The following NLGN1 variants were observed in gnomAD, a reference collection of about 807,000 sequenced individuals.
The protein encoded by NLGN1 is neuroligin 1, also known as neuroligin-1.
Under a neutral mutation model 65.5 loss-of-function variants are expected in NLGN1, and 12 were observed. The ratio of observed to expected loss-of-function variants is 0.18; its 90% CI spans 0.12 to 0.30. The LOEUF (loss-of-function observed/expected upper bound fraction) is 0.30, where lower values mean the gene tolerates loss of function less well. Ranked by LOEUF, NLGN1 falls within the 10% of genes least tolerant of loss-of-function variation. NLGN1 has a pLI of 1.00. For synonymous variants in NLGN1, 350 were observed against 359.5 expected (o/e 0.97, Z 0.30); for missense variants, 750 against 1,007.1 (o/e 0.74, Z 3.46).
intron 4 of NLGN1, among the ~76,000 whole-genome samples, chr3:174,015,458 C>A (rs1216267095): frequency 1.3e-5 from 2 of 152,108 alleles, no homozygotes; most frequent in Non-Finnish European, 2.9e-5. Context: ...GGTGTCTCTT[C>A]TATATGGACA....
chr3:173,944,077 A>G (rs1746677470), intron 4 of NLGN1, among the ~76,000 whole-genome samples: 1 of 151,442 alleles, frequency 6.6e-6, no homozygotes, highest in South Asian at 2.1e-4. Context: ...AACGTTTTAT[A>G]ATCTTTTTGT....
intron 3 of NLGN1, among the ~76,000 whole-genome samples, chr3:173,777,797 A>G (rs1454534482): frequency 6.6e-6 from 1 of 151,808 alleles, no homozygotes; most frequent in Non-Finnish European, 1.5e-5. Context: ...TGAAATGTCA[A>G]TTTCAGGAAA....
chr3:174,195,101 T>G (rs1469908339), intron 4 of NLGN1, among the ~76,000 whole-genome samples: 1 of 152,042 alleles, frequency 6.6e-6, no homozygotes, highest in Non-Finnish European at 1.5e-5. Flanking sequence ...CCTCAGGTCA[T>G]CCCCCTGCCT....
At chr3:173,709,843 G>A (rs1768668103) in intron 3 of NLGN1, among the ~76,000 whole-genome samples, 1 of 145,922 alleles carries the variant, frequency 6.9e-6, no homozygotes, top group Admixed American at 6.8e-5. Context: ...AACCATATGC[G>A]CCAAATTGTT....
intron 4 of NLGN1, among the ~76,000 whole-genome samples, chr3:173,838,466 A>C (rs981017150): frequency 6.6e-6 from 1 of 152,160 alleles, no homozygotes; most frequent in East Asian, 1.9e-4. Context: ...CATTTTATCA[A>C]GAAAAAATTT....
chr3:174,207,098 C>A (rs759680138), intron 4 of NLGN1, among the ~76,000 whole-genome samples: 1 of 150,376 alleles, frequency 6.6e-6, no homozygotes, highest in African/African-American at 2.5e-5. Context: ...GTTAAAAGTT[C>A]TTTTTCTTTT....
At chr3:174,291,579 G>C (rs1752766812), downstream of NLGN1, among the ~76,000 whole-genome samples, 1 of 151,220 alleles carries the variant, frequency 6.6e-6, no homozygotes, top group Admixed American at 6.6e-5. Context: ...CTTTATGCCA[G>C]TAAAAATTAA....
At chr3:173,570,920 T>G (rs1744543782) in intron 2 of NLGN1, among the ~76,000 whole-genome samples, 1 of 152,146 alleles carries the variant, frequency 6.6e-6, no homozygotes, top group African/African-American at 2.4e-5. Context: ...GTCAGGCTGG[T>G]CTCGAACTGC....
intron 2 of NLGN1, among the ~76,000 whole-genome samples, chr3:173,466,869 T>C (rs190442692): frequency 3.3e-4 from 50 of 152,290 alleles, no homozygotes; most frequent in South Asian, 6.2e-4. Flanking sequence ...ATTTTCCTAA[T>C]AAAACTTACA....
At chr3:174,101,643 A>G (rs991043133) in intron 4 of NLGN1, among the ~76,000 whole-genome samples, 3 of 152,330 alleles carry the variant, frequency 2.0e-5, no homozygotes, top group African/African-American at 4.8e-5. Flanking sequence ...ACAGGACTGT[A>G]TACCTCTTAA....
At chr3:174,055,330 GA>G (rs1365697536) in intron 4 of NLGN1, among the ~76,000 whole-genome samples, 2 of 151,540 alleles carry the variant, frequency 1.3e-5, no homozygotes, top group South Asian at 2.1e-4. Context: ...AGTTGTCGCT[GA>G]AAAAAAATTT....
intron 4 of NLGN1, among the ~76,000 whole-genome samples, chr3:173,870,350 C>T (rs1730943020): frequency 6.6e-6 from 1 of 152,070 alleles, no homozygotes; most frequent in East Asian, 1.9e-4. Flanking sequence ...GTACATCTTC[C>T]CTAGATGGTG....
chr3:173,399,771 A>G (rs2148597297), intron 1 of NLGN1: 1 of 152,306 alleles, frequency 6.6e-6, no homozygotes, highest in East Asian at 1.9e-4. Context: ...TTTTCTTTAT[A>G]GGATAATTAA....
intron 3 of NLGN1, among the ~76,000 whole-genome samples, chr3:173,670,107 C>T (rs2149730085): frequency 6.6e-6 from 1 of 152,182 alleles, no homozygotes; most frequent in South Asian, 2.1e-4. Context: ...AGCAGATAAA[C>T]TGAAAGTGTT....
At chr3:173,756,389 A>G (rs1174049204) in intron 3 of NLGN1, among the ~76,000 whole-genome samples, 1 of 152,046 alleles carries the variant, frequency 6.6e-6, no homozygotes, top group Non-Finnish European at 1.5e-5. Context: ...TAATGTTGAT[A>G]TGAATCAAAA....
At position 173,782,340 on chromosome 3, in the gene NLGN1, C is replaced by G. The variant is rs140423788; in HGVS notation, c.494-25340C>G. Reference sequence around the variant, plus strand: ...GCAAATTAATTGAATGCATTAAAGGCGCGGGTAATGTAAATATAGTAAAAC... The same window carrying G: ...GCAAATTAATTGAATGCATTAAAGGGGCGGGTAATGTAAATATAGTAAAAC... On this transcript the variant is annotated intron_variant, in intron 3 of 6. Coordinates refer to ENST00000457714, the Ensembl canonical transcript of NLGN1. 2.3e-3 allele frequency among the ~76,000 whole-genome samples: 352 copies of G among 152,020 alleles called. 1 individual carries two copies. The highest frequency in any genetic ancestry group is 8.0e-3 in the African/African-American group (333 of 41,464).
chr3:173,524,783 G>T (rs564482058), intron 2 of NLGN1, among the ~76,000 whole-genome samples: 1 of 152,160 alleles, frequency 6.6e-6, no homozygotes, highest in Admixed American at 6.5e-5. Context: ...AGAGATGCTG[G>T]ATTTTATTAA....
intron 2 of NLGN1, among the ~76,000 whole-genome samples, chr3:173,599,281 A>T (rs1195709607): frequency 3.9e-5 from 6 of 152,284 alleles, no homozygotes; most frequent in African/African-American, 1.4e-4. Context: ...TACATTGGAC[A>T]GCTTTATTAC....
At chr3:173,823,931 A>C (rs1228856824) in intron 4 of NLGN1, among the ~76,000 whole-genome samples, 5 of 143,942 alleles carry the variant, frequency 3.5e-5, no homozygotes, top group African/African-American at 8.3e-5. Context: ...AAAAAAAAAA[A>C]CAAATCTTTT....
Sources: gnomAD v4.1 joint callset for allele counts (sites outside exome capture counted in the v4.1 genomes callset) on GRCh38, gnomAD v4.1.1 for gene constraint, MANE v1.5 for transcripts, NCBI Gene and HGNC (gene_info 2026-07-23, HGNC 2026-07-21) for gene names.